Variants in PCDHGA6 observed in about 807,000 individuals in gnomAD.
PCDHGA6 encodes protocadherin gamma subfamily A, 6, also known as protocadherin gamma-A6.
PCDHGA6 carries 41 observed loss-of-function variants against 60.6 expected under a neutral mutation model. The ratio of observed to expected loss-of-function variants is 0.68; its 90% CI spans 0.53 to 0.88. The LOEUF (loss-of-function observed/expected upper bound fraction) is 0.88. Ranked by LOEUF, PCDHGA6 falls within the 40% of genes least tolerant of loss-of-function variation. The pLI is 0.00. For synonymous variants in PCDHGA6, 594 were observed against 524.4 expected (o/e 1.13, Z -1.81); for missense variants, 1,312 against 1,203.0 (o/e 1.09, Z -1.34).
intron 1 of PCDHGA6, chr5:141,408,313 T>G (rs375849626): frequency 6.2e-7 from 1 of 1,613,758 alleles, no homozygotes; most frequent in African/African-American, 1.3e-5. Flanking sequence ...GCTACTCGAT[T>G]CCGGAGGAGC....
chr5:141,408,933 G>C, intron 1 of PCDHGA6: 1 of 1,613,550 alleles, frequency 6.2e-7, no homozygotes, highest in South Asian at 1.1e-5. Context: ...GTTTTCAGCA[G>C]AGACGAATAT....
intron 1 of PCDHGA6, chr5:141,423,477 C>T (rs376147466): frequency 1.5e-5 from 24 of 1,613,872 alleles, no homozygotes; most frequent in Non-Finnish European, 1.9e-5. Flanking sequence ...TACAGGCTTT[C>T]CTGCAAACCT....
Position 141,490,765 on chromosome 5 carries a change from G to A in PCDHGA6, c.2425-4042G>A. The A allele has an allele frequency of 6.2e-7, 1 of 1,614,076 alleles. No individual in the cohort carries two copies. The highest frequency in any genetic ancestry group is 8.5e-7 in the Non-Finnish European group (1 of 1,179,914). ...AGCCCCAGCCTCCTCCTTTGTGTAT[G>A]TCAACCCAGAGGATGGACGGATCTT... On this transcript the variant is annotated intron_variant, in intron 1 of 3. Coordinates refer to ENST00000517434, the MANE Select transcript of PCDHGA6 (RefSeq NM_018919.3). This position sits in a 1 kb window ranked among gnomAD's most constrained non-coding sequence, Gnocchi z 5.4.
intron 1 of PCDHGA6, chr5:141,403,607 G>T: frequency 6.2e-7 from 1 of 1,613,858 alleles, no homozygotes; most frequent in Non-Finnish European, 8.5e-7. Flanking sequence ...GGATGGCGGC[G>T]AGCCGCGTCG....
intron 1 of PCDHGA6, chr5:141,405,551 A>G: frequency 1.6e-6 from 1 of 623,672 alleles, no homozygotes; most frequent in Non-Finnish European, 2.8e-6. Context: ...TCCCAAGTAG[A>G]GTAGCTGGGA....
At chr5:141,426,919 C>T (rs1220443930) in intron 1 of PCDHGA6, 1 of 456,620 alleles carries the variant, frequency 2.2e-6, no homozygotes, top group African/African-American at 2.0e-5. Flanking sequence ...GTCCTGGAAG[C>T]AATGGACATG....
intron 1 of PCDHGA6, among the ~76,000 whole-genome samples, chr5:141,455,290 T>C (rs551962783): frequency 5.3e-5 from 8 of 152,206 alleles, no homozygotes; most frequent in East Asian, 1.9e-4. Flanking sequence ...TCACTTTACA[T>C]AGTTTCATCT....
intron 1 of PCDHGA6, chr5:141,415,899 G>A (rs1224954481): frequency 1.2e-6 from 1 of 869,552 alleles, no homozygotes; most frequent in Non-Finnish European, 1.6e-6. Flanking sequence ...TCCTAAGACA[G>A]ACTTCCATAC....
chr5:141,438,806 C>T (rs866521707), intron 1 of PCDHGA6, among the ~76,000 whole-genome samples: 20 of 149,390 alleles, frequency 1.3e-4, no homozygotes, highest in Admixed American at 6.7e-4. Flanking sequence ...GGATTACAGG[C>T]GCCTGTCACC....
rs528371675 is a variant in PCDHGA6 at position 141,389,403 on chromosome 5, G to T, written c.2424+12896G>T. 18 of 1,613,628 alleles carry T rather than the reference G, an allele frequency of 1.1e-5. No individual in the cohort carries two copies. The African/African-American group carries it at 2.4e-4, about 21-fold the overall frequency. On this transcript the variant is annotated intron_variant, in intron 1 of 3. Transcript: ENST00000517434. The stretch of plus-strand genomic sequence containing the variant: ...GCTGTCATCCTACGTGTCCATAAGC[G>T]CGGAGAGCGGGGTGGTGTTCGCGCA...
chr5:141,428,338 T>G, intron 1 of PCDHGA6: 7 of 592,492 alleles, frequency 1.2e-5, no homozygotes, highest in East Asian at 3.1e-5. Flanking sequence ...TATGCTCTTC[T>G]TCCTCGCAGT....
intron 1 of PCDHGA6, chr5:141,398,042 T>C: frequency 6.7e-7 from 1 of 1,495,000 alleles, no homozygotes; most frequent in East Asian, 2.4e-5. Context: ...CTAAAGCCCG[T>C]TCGGAGATCC....
Position 141,394,654 on chromosome 5 carries a change from C to G in PCDHGA6, c.2424+18147C>G, listed in dbSNP as rs372355655. On this transcript the variant is annotated intron_variant, in intron 1 of 3. Transcript: ENST00000517434. Reference sequence around the variant, plus strand: ...TACCGCCTGCTCAAGGCCAGCGAGCCGGGACTCTTCTCGGTGGGTCTGCAC... The same window carrying G: ...TACCGCCTGCTCAAGGCCAGCGAGCGGGGACTCTTCTCGGTGGGTCTGCAC... 47 of 1,613,236 alleles carry G rather than the reference C, an allele frequency of 2.9e-5. No homozygotes were observed. The African/African-American group carries it at 5.7e-4, about 20-fold the overall frequency.
chr5:141,398,689 G>A (rs6867460), intron 1 of PCDHGA6: 228,699 of 1,613,720 alleles, frequency 0.14, 18,438 homozygotes, highest in African/African-American at 0.32. Context: ...GAAACAGGAT[G>A]GTAGTAAATA....
In PCDHGA6 at chr5:141,431,797, A is replaced by T. The variant is rs754056771; in HGVS notation, c.2424+55290A>T. 6.2e-7 allele frequency: 1 copy of T among 1,614,256 alleles called. No homozygotes were observed. The highest frequency in any genetic ancestry group is 2.2e-5 in the East Asian group (1 of 44,882). ...TGGACGTGAACGACAATGCCCCAGAAGTGGTCCTCACCTCTCTCGCCAGCT... is the reference window on the plus strand; with the variant it reads ...TGGACGTGAACGACAATGCCCCAGATGTGGTCCTCACCTCTCTCGCCAGCT... On this transcript the variant is annotated intron_variant, in intron 1 of 3. Coordinates refer to ENST00000517434, the MANE Select transcript of PCDHGA6 (RefSeq NM_018919.3). This position sits in a 1 kb window ranked among gnomAD's most constrained non-coding sequence, Gnocchi z 4.8.
At chr5:141,393,029 G>A in intron 1 of PCDHGA6, 1 of 1,613,754 alleles carries the variant, frequency 6.2e-7, no homozygotes, top group Non-Finnish European at 8.5e-7. Context: ...GAGGTAGGAC[G>A]CAGCTCTTTG....
chr5:141,409,572 A>G (rs1440637025), intron 1 of PCDHGA6: 2 of 1,613,920 alleles, frequency 1.2e-6, no homozygotes, highest in South Asian at 1.1e-5. Context: ...CAGACGTCCT[A>G]CGTGGTCCAC....
chr5:141,424,962 C>G (rs1018789700), intron 1 of PCDHGA6, among the ~76,000 whole-genome samples: 2 of 152,116 alleles, frequency 1.3e-5, no homozygotes, highest in Admixed American at 6.6e-5. Flanking sequence ...GTATTTGCCC[C>G]AAATTACTTG....
chr5:141,456,139 C>T (rs999574407), intron 1 of PCDHGA6, among the ~76,000 whole-genome samples: 20 of 152,010 alleles, frequency 1.3e-4, no homozygotes, highest in Admixed American at 9.8e-4. Context: ...CCTCCTGATC[C>T]GCCCGCCTCG....
Sources: allele counts gnomAD v4.1 joint callset (sites outside exome capture counted in the v4.1 genomes callset), GRCh38; gene constraint gnomAD v4.1.1; non-coding constraint Gnocchi (gnomAD v3.1); transcripts MANE v1.5; gene names NCBI Gene and HGNC (gene_info 2026-07-23, HGNC 2026-07-21).